The following PARPBP variants were observed in gnomAD, a reference collection of about 807,000 sequenced individuals.
The protein encoded by PARPBP is PCNA-interacting partner.
A neutral mutation model predicts 50.0 loss-of-function variants in PARPBP; 52 were observed. That is an observed-to-expected ratio of 1.04 (90% CI 0.83 to 1.31). The LOEUF (loss-of-function observed/expected upper bound fraction) is 1.31. Ranked by LOEUF, PARPBP falls within the 50% of genes most tolerant of loss-of-function variation. PARPBP has a pLI of 0.00. For missense variants in PARPBP, 697 were observed against 672.0 expected (o/e 1.04, Z -0.41); for synonymous variants, 244 against 232.1 (o/e 1.05, Z -0.47).
intron 8 of PARPBP, 134 bp from the exon 9 acceptor site, chr12:102,182,415 A>G: frequency 1.6e-6 from 1 of 625,858 alleles, no homozygotes; most frequent in Non-Finnish European, 2.8e-6. Context: ...TGATGAGTTT[A>G]TCTGGGAGGT....
chr12:102,167,623 C>G (rs1888281511), intron 6 of PARPBP, among the ~76,000 whole-genome samples: 1 of 152,098 alleles, frequency 6.6e-6, no homozygotes, highest in African/African-American at 2.4e-5. Flanking sequence ...TTGGGACTTT[C>G]CCAAAAATTT....
intron 9 of PARPBP, among the ~76,000 whole-genome samples, chr12:102,193,101 G>A (rs1157598613): frequency 6.6e-6 from 1 of 151,706 alleles, no homozygotes; most frequent in Non-Finnish European, 1.5e-5. Context: ...AAATTGTACT[G>A]GGGTCTCTGA....
At chr12:102,170,568 C>T (rs1352081343) in intron 6 of PARPBP, among the ~76,000 whole-genome samples, 1 of 152,184 alleles carries the variant, frequency 6.6e-6, no homozygotes, top group East Asian at 1.9e-4. Context: ...AGGGTACTTG[C>T]CATGACTGGA....
At chr12:102,157,717 G>A (rs1003469945) in intron 4 of PARPBP, among the ~76,000 whole-genome samples, 1 of 152,168 alleles carries the variant, frequency 6.6e-6, no homozygotes, top group African/African-American at 2.4e-5. Flanking sequence ...TCTGTGAGGT[G>A]ACACTTTGGC....
chr12:102,151,754 A>G (rs1326555082), intron 3 of PARPBP: 1 of 1,535,694 alleles, frequency 6.5e-7, no homozygotes, highest in Non-Finnish European at 8.7e-7. Context: ...ATCACGGTCC[A>G]GAAGAAGAGA....
chr12:102,171,311 T>C (rs1246012018), intron 6 of PARPBP, among the ~76,000 whole-genome samples: 1 of 152,160 alleles, frequency 6.6e-6, no homozygotes, highest in African/African-American at 2.4e-5. Context: ...GCACAGTAGG[T>C]TTGTTTACAC....
chr12:102,179,137 G>A (rs968579589), intron 8 of PARPBP, among the ~76,000 whole-genome samples: 6 of 152,178 alleles, frequency 3.9e-5, no homozygotes, highest in South Asian at 2.1e-4. Flanking sequence ...CACTTTATAA[G>A]TGAAGAATTA....
At chr12:102,120,545 T>C in intron 1 of PARPBP, 1 of 455,432 alleles carries the variant, frequency 2.2e-6, no homozygotes, top group Admixed American at 2.4e-5. Flanking sequence ...AGAGGCCTGC[T>C]TAACTTCCAT....
At chr12:102,139,014 A>T (rs192503986) in intron 2 of PARPBP, among the ~76,000 whole-genome samples, 27 of 152,242 alleles carry the variant, frequency 1.8e-4, no homozygotes, top group African/African-American at 6.0e-4. Context: ...GTTTTTTCCA[A>T]TTCTGTGAAG....
intron 8 of PARPBP, among the ~76,000 whole-genome samples, chr12:102,179,371 A>C (rs1889603991): frequency 6.6e-6 from 1 of 152,276 alleles, no homozygotes; most frequent in African/African-American, 2.4e-5. Context: ...TGTGTAAGAC[A>C]TTGATGCTGT....
intron 2 of PARPBP, among the ~76,000 whole-genome samples, chr12:102,125,828 A>G (rs571367636): frequency 6.6e-6 from 1 of 152,316 alleles, no homozygotes; most frequent in Admixed American, 6.5e-5. Flanking sequence ...ATGCTCAGAC[A>G]CCAGATAATT....
intron 9 of PARPBP, 53 bp from the exon 10 acceptor site, chr12:102,195,259 G>A (rs2137592626): frequency 8.4e-7 from 1 of 1,188,546 alleles, no homozygotes; most frequent in Non-Finnish European, 1.2e-6. Flanking sequence ...TCTAGATGAA[G>A]AAATAAAATA....
At chr12:102,142,819 C>T (rs1004955931) in intron 2 of PARPBP, among the ~76,000 whole-genome samples, 8 of 152,186 alleles carry the variant, frequency 5.3e-5, no homozygotes, top group Admixed American at 3.3e-4. Context: ...TATTGCAGAA[C>T]GGCAAATGTT....
chr12:102,164,502 A>C lies in PARPBP; in HGVS notation c.560A>C (p.Asp187Ala). The C allele has an allele frequency of 6.2e-7, 1 of 1,612,754 alleles. No homozygotes were observed. The highest frequency in any genetic ancestry group is 8.5e-7 in the Non-Finnish European group (1 of 1,178,834). The change falls in exon 5 of 11, where the codon GAC (aspartate) becomes GCC (alanine). Residue 187 changes from aspartate to alanine, a missense_variant. Transcript: ENST00000327680. Reference sequence around the variant, plus strand: ...AATCTGCTAGTGAATTCAAAGAATGACCTGGCTGTGGCTTATATTCTCAAT... The same window carrying C: ...AATCTGCTAGTGAATTCAAAGAATGCCCTGGCTGTGGCTTATATTCTCAAT... ...YLNLLVNSKN[D>A]LAVAYILNIP...
Position 102,165,840 on chromosome 12 carries a change from A to G in PARPBP, c.778A>G (p.Ile260Val). 1 of 1,580,768 alleles carries G rather than the reference A, an allele frequency of 6.3e-7. No individual in the cohort carries two copies. Among genetic ancestry groups the G allele is most frequent in the Non-Finnish European group, 8.7e-7 (1 of 1,151,064 alleles). ...GGGATTGTCTAATTTTATTAATTTC[A>G]TTGACAAATTAGATGAGATTCTTGG... ...VKGLSNFINF[I>V]DKLDEILGEI... Residue 260 changes from isoleucine (I) to valine (V), a missense_variant, in exon 6 of 11, where the codon ATT (isoleucine) becomes GTT (valine). Physicochemically the swap from Ile to Val is conservative, Grantham distance 29. Transcript: ENST00000327680.
At chr12:102,129,682 T>C (rs988786003) in intron 2 of PARPBP, among the ~76,000 whole-genome samples, 1 of 152,218 alleles carries the variant, frequency 6.6e-6, no homozygotes, top group Admixed American at 6.5e-5. Flanking sequence ...CTGATTTCTT[T>C]GAGCAGTGTT....
In PARPBP at chr12:102,195,329, T is replaced by A; in HGVS notation, c.1281T>A (p.Ile427=). The change falls in exon 10 of 11, where the codon ATT becomes ATA. Residue 427 remains isoleucine (I), a synonymous_variant. Coordinates refer to ENST00000327680, the MANE Select transcript of PARPBP (RefSeq NM_017915.5). ...GTTACTAGATGAAGCAAACTTTAAT[T>A]AGATCCCAATTTGCTTGTACTTATA... ...EKKIKMKQTL[I]RSQFACTYKD... 6.4e-7 allele frequency: 1 copy of A among 1,550,548 alleles called. No homozygotes were observed. Among genetic ancestry groups the A allele is most frequent in the Non-Finnish European group, 8.8e-7 (1 of 1,138,464 alleles).
At chr12:102,171,725 G>A (rs1027125735) in intron 6 of PARPBP, among the ~76,000 whole-genome samples, 1 of 152,004 alleles carries the variant, frequency 6.6e-6, no homozygotes, top group African/African-American at 2.4e-5. Flanking sequence ...AATTAGCCAG[G>A]TGTGGTGGTG....
At position 102,143,079 on chromosome 12, in the gene PARPBP, G is replaced by A. The variant is rs190232259; in HGVS notation, c.154-5151G>A. Among the ~76,000 whole-genome samples, 121 of 152,322 alleles carry A rather than the reference G, an allele frequency of 7.9e-4. 1 individual carries two copies. Among genetic ancestry groups the A allele is most frequent in the South Asian group, 2.9e-3 (14 of 4,828 alleles). On this transcript the variant is annotated intron_variant, in intron 2 of 10. Transcript: ENST00000327680. ...GCTGCCTTTTGTTCAGCTATGCCCC[G>A]CCCTCAGAGGTGGAGTGTACAGAGG...
Sources: gnomAD v4.1 joint callset for allele counts (sites outside exome capture counted in the v4.1 genomes callset) on GRCh38, gnomAD v4.1.1 for gene constraint, MANE v1.5 for transcripts, NCBI Gene and HGNC (gene_info 2026-07-23, HGNC 2026-07-21) for gene names.